MTMR7: variants seen among roughly 807,000 people sequenced by gnomAD.
The protein encoded by MTMR7 is phosphatidylinositol-3-phosphate phosphatase MTMR7.
A neutral mutation model predicts 81.2 loss-of-function variants in MTMR7; 76 were observed. The observed-to-expected ratio is 0.94, with a 90% CI of 0.78 to 1.13. The LOEUF (loss-of-function observed/expected upper bound fraction) is 1.13. MTMR7 is among the 50% of genes most tolerant of loss of function. MTMR7 has a pLI of 0.00. For missense variants in MTMR7, 1,044 were observed against 820.0 expected (o/e 1.27, Z -3.34); for synonymous variants, 372 against 289.8 (o/e 1.28, Z -2.88).
At chr8:17,348,634 C>G (rs1246342772) in intron 5 of MTMR7, among the ~76,000 whole-genome samples, 1 of 151,498 alleles carries the variant, frequency 6.6e-6, no homozygotes, top group African/African-American at 2.4e-5. Context: ...TGCCACAGAT[C>G]TCCAGCACTG....
intron 12 of MTMR7, among the ~76,000 whole-genome samples, chr8:17,303,554 C>A (rs1817261963): frequency 6.6e-6 from 1 of 151,636 alleles, no homozygotes; most frequent in Admixed American, 6.6e-5. Context: ...TAGCACATAC[C>A]TAGTAGAACT....
chr8:17,374,579 C>T (rs184348082), intron 1 of MTMR7, among the ~76,000 whole-genome samples: 3 of 151,930 alleles, frequency 2.0e-5, no homozygotes, highest in Admixed American at 1.3e-4. Flanking sequence ...TGAGATTGCG[C>T]CACCGTACCG....
intron 1 of MTMR7, among the ~76,000 whole-genome samples, chr8:17,391,331 T>C (rs1821102386): frequency 6.6e-6 from 1 of 151,910 alleles, no homozygotes. Context: ...AAATGGGAGA[T>C]TTTCCAAAAT....
intron 1 of MTMR7, among the ~76,000 whole-genome samples, chr8:17,377,878 G>A (rs922023018): frequency 6.6e-5 from 10 of 152,000 alleles, no homozygotes; most frequent in African/African-American, 1.9e-4. Context: ...AAGTAACTAC[G>A]ATAAAGATAT....
rs1227418696 is a variant in MTMR7 at position 17,297,593 on chromosome 8, T to TG, written c.*2268dup. On this transcript the variant is annotated 3_prime_UTR_variant, in exon 14 of 14. Transcript: ENST00000180173. ...TATCAACTTTAAAAAATAAATTACTTGCATTCTATATATTACTAATTGGGA... is the reference window on the plus strand; with the variant it reads ...TATCAACTTTAAAAAATAAATTACTTGGCATTCTATATATTACTAATTGGGA... 6.6e-6 allele frequency: 1 copy of TG among 152,074 alleles called. No individual in the cohort carries two copies. The highest frequency in any genetic ancestry group is 1.5e-5 in the Non-Finnish European group (1 of 67,944). 9.4% of individuals were successfully genotyped at this position (152,074 alleles called of 1,614,324 possible). A position where few individuals can be genotyped will look rare whatever the true frequency, so the allele number is the denominator to read the frequency against.
intron 3 of MTMR7, among the ~76,000 whole-genome samples, chr8:17,364,791 C>T (rs1446283695): frequency 6.6e-6 from 1 of 152,078 alleles, no homozygotes; most frequent in East Asian, 1.9e-4. Flanking sequence ...TTGTATATAC[C>T]ATGTTTTCTT....
chr8:17,388,545 T>C (rs1563374202), intron 1 of MTMR7, among the ~76,000 whole-genome samples: 1 of 152,220 alleles, frequency 6.6e-6, no homozygotes, highest in African/African-American at 2.4e-5. Context: ...TTGATTATGA[T>C]TTTCCTTTAA....
chr8:17,311,477 C>T (rs373836258), intron 9 of MTMR7, 34 bp downstream of exon 9: 8 of 1,613,564 alleles, frequency 5.0e-6, no homozygotes, highest in South Asian at 1.1e-5. Context: ...GGTCAAGGCA[C>T]CGCCTGTGGG....
In MTMR7 at chr8:17,385,785, C is replaced by T. The variant is rs539758269; in HGVS notation, c.25-12545G>A. Among the ~76,000 whole-genome samples, 3 of 152,332 alleles carry T rather than the reference C, an allele frequency of 2.0e-5. No homozygotes were observed. In the South Asian group the frequency reaches 6.2e-4, roughly 32 times the overall value. On this transcript the variant is annotated intron_variant, in intron 1 of 13. Coordinates refer to ENST00000180173, the MANE Select transcript of MTMR7 (RefSeq NM_004686.5). ...GTATCTGCTCCCTCTTAACCTTCCA[C>T]CATGATTGTGTTTCCTGTGGCCTCC...
chr8:17,304,998 C>G (rs956036062), intron 11 of MTMR7, among the ~76,000 whole-genome samples: 1 of 152,144 alleles, frequency 6.6e-6, no homozygotes, highest in African/African-American at 2.4e-5. Context: ...CAAGCAGATA[C>G]TGTTAGAATT....
intron 7 of MTMR7, among the ~76,000 whole-genome samples, chr8:17,328,313 T>G (rs1023567233): frequency 6.6e-6 from 1 of 152,126 alleles, no homozygotes; most frequent in Admixed American, 6.6e-5. Flanking sequence ...TCTTCACCAC[T>G]TCCTCCCCAA....
Position 17,391,296 on chromosome 8 carries a change from C to T in MTMR7, c.25-18056G>A, listed in dbSNP as rs138117392. Among the ~76,000 whole-genome samples the T allele has an allele frequency of 3.3e-3, 500 of 152,124 alleles. 1 individual carries two copies. Among genetic ancestry groups the T allele is most frequent in the African/African-American group, 0.012 (484 of 41,486 alleles). ...TGGAAGGTTTACAGGGGGAGGGTGG[C>T]AGGATCTGGGAAAAAATCTTTTAAA... On this transcript the variant is annotated intron_variant, in intron 1 of 13. Coordinates refer to ENST00000180173, the MANE Select transcript of MTMR7 (RefSeq NM_004686.5).
chr8:17,305,383 T>C (rs1381414761), intron 11 of MTMR7, among the ~76,000 whole-genome samples: 4 of 152,228 alleles, frequency 2.6e-5, no homozygotes, highest in South Asian at 4.1e-4. Context: ...CTGGCTTTTA[T>C]ATTTGCTTTC....
At chr8:17,331,070 A>G in intron 7 of MTMR7, 80 bp downstream of exon 7, 1 of 1,501,986 alleles carries the variant, frequency 6.7e-7, no homozygotes, top group East Asian at 2.4e-5. Context: ...AAAACATTTT[A>G]AAATCAAGAC....
chr8:17,387,467 G>C (rs1251513781), intron 1 of MTMR7, among the ~76,000 whole-genome samples: 2 of 152,176 alleles, frequency 1.3e-5, no homozygotes, highest in Non-Finnish European at 2.9e-5. Flanking sequence ...TAAAGTAAGG[G>C]GGAAAGGATA....
In MTMR7 at chr8:17,401,792, T is replaced by C. The variant is rs544691965; in HGVS notation, c.24+11477A>G. The stretch of plus-strand genomic sequence containing the variant: ...TTGGAAAGAGCACAAGAGGAGAAAA[T>C]TGGGTGTGAGACGAGAGGGAATCAG... On this transcript the variant is annotated intron_variant, in intron 1 of 13. Transcript: ENST00000180173. Among the ~76,000 whole-genome samples the C allele has an allele frequency of 3.3e-5, 5 of 151,842 alleles. No individual in the cohort carries two copies. The South Asian group carries it at 1.0e-3, about 32-fold the overall frequency.
At chr8:17,333,386 T>C (rs1448073628) in intron 6 of MTMR7, among the ~76,000 whole-genome samples, 1 of 152,230 alleles carries the variant, frequency 6.6e-6, no homozygotes, top group East Asian at 1.9e-4. Flanking sequence ...TGTATAATTA[T>C]TTTTCAAAGA....
At chr8:17,352,351 T>A (rs1031940518) in intron 4 of MTMR7, among the ~76,000 whole-genome samples, 1 of 152,086 alleles carries the variant, frequency 6.6e-6, no homozygotes, top group African/African-American at 2.4e-5. Flanking sequence ...GTAAGATTAG[T>A]CTCTTCAACA....
chr8:17,329,120 A>G (rs1818854391), intron 7 of MTMR7, among the ~76,000 whole-genome samples: 1 of 152,216 alleles, frequency 6.6e-6, no homozygotes, highest in African/African-American at 2.4e-5. Context: ...GAAAATAATA[A>G]TCATGAATGA....
Sources: allele counts gnomAD v4.1 joint callset (sites outside exome capture counted in the v4.1 genomes callset), GRCh38; gene constraint gnomAD v4.1.1; transcripts MANE v1.5; gene names NCBI Gene and HGNC (gene_info 2026-07-23, HGNC 2026-07-21).